TSPAN15: variants seen among roughly 807,000 people sequenced by gnomAD.
TSPAN15 encodes the protein tetraspanin-15.
TSPAN15 carries 20 observed loss-of-function variants against 34.5 expected under a neutral mutation model. That is an observed-to-expected ratio of 0.58 (90% CI 0.41 to 0.84). TSPAN15 has a LOEUF of 0.84. Among genes scored for constraint, TSPAN15 ranks in the 40% least tolerant of loss-of-function variants. The pLI, the probability that TSPAN15 is intolerant of heterozygous loss-of-function variation, is 0.00. For missense variants in TSPAN15, 313 were observed against 386.1 expected (o/e 0.81, Z 1.59); for synonymous variants, 155 against 153.9 (o/e 1.01, Z -0.05).
At chr10:69,520,010 G>T in the TSPAN15 span, among the ~76,000 whole-genome samples, 2 of 152,200 alleles carry the variant, frequency 1.3e-5, no homozygotes, top group Non-Finnish European at 2.9e-5. Flanking sequence ...GGGATTATAG[G>T]CATGAGCCAC....
chr10:69,467,831 T>A (rs10998801), intron 1 of TSPAN15, among the ~76,000 whole-genome samples: 60,563 of 151,896 alleles, frequency 0.4, 12,582 homozygotes, highest in Non-Finnish European at 0.45. Context: ...ATAGTGTCTT[T>A]AAAAAAATCA....
chr10:69,456,334 GC>G (rs1422015797), intron 1 of TSPAN15, among the ~76,000 whole-genome samples: 2 of 152,104 alleles, frequency 1.3e-5, no homozygotes, highest in African/African-American at 4.8e-5. Flanking sequence ...TGATCCACCA[GC>G]CTGGGCCTCC....
At chr10:69,519,545 T>C in the TSPAN15 span, among the ~76,000 whole-genome samples, 6 of 152,216 alleles carry the variant, frequency 3.9e-5, no homozygotes, top group African/African-American at 1.4e-4. Context: ...GTGGATCAAA[T>C]GATATTTGAC....
the TSPAN15 span, among the ~76,000 whole-genome samples, chr10:69,522,464 A>G: frequency 0.54 from 75,146 of 138,366 alleles, 23,304 homozygotes; most frequent in African/African-American, 0.64. Flanking sequence ...TATTGTAGGA[A>G]TGCTTTATAT....
At chr10:69,502,620 C>T (rs1842233674) in intron 5 of TSPAN15, among the ~76,000 whole-genome samples, 1 of 152,162 alleles carries the variant, frequency 6.6e-6, no homozygotes, top group African/African-American at 2.4e-5. Context: ...AATATCGATT[C>T]TATGGTCAGG....
chr10:69,534,045 A>C, the TSPAN15 span, among the ~76,000 whole-genome samples: 1 of 152,218 alleles, frequency 6.6e-6, no homozygotes. Context: ...GCTTTGAAGA[A>C]AAATAAAAAT....
the TSPAN15 span, among the ~76,000 whole-genome samples, chr10:69,547,616 A>G: frequency 6.6e-6 from 1 of 152,230 alleles, no homozygotes; most frequent in Non-Finnish European, 1.5e-5. Flanking sequence ...CTGGACTAAG[A>G]CCCAGAAACA....
At chr10:69,464,836 G>C (rs559903033) in intron 1 of TSPAN15, among the ~76,000 whole-genome samples, 1 of 152,332 alleles carries the variant, frequency 6.6e-6, no homozygotes, top group East Asian at 1.9e-4. Context: ...AGTGTGCAGG[G>C]GGGACAATGG....
At chr10:69,499,004 T>C (rs1182105886) in intron 5 of TSPAN15, among the ~76,000 whole-genome samples, 3 of 152,150 alleles carry the variant, frequency 2.0e-5, no homozygotes, top group Non-Finnish European at 4.4e-5. Context: ...GCAGAGTGCT[T>C]GGAAGGGGGT....
the TSPAN15 span, among the ~76,000 whole-genome samples, chr10:69,530,113 A>T: frequency 6.8e-6 from 1 of 147,644 alleles, no homozygotes; most frequent in African/African-American, 2.5e-5. Context: ...TGGTTGATGG[A>T]TATCTACTAT....
At chr10:69,539,476 GAGAAGGA>G in the TSPAN15 span, among the ~76,000 whole-genome samples, 2 of 62,578 alleles carry the variant, frequency 3.2e-5, 1 homozygote, top group Non-Finnish European at 6.5e-5. Flanking sequence ...GAAGGAGAAG[GAGAAGGA>G]GAAGAAGAAG....
intron 1 of TSPAN15, among the ~76,000 whole-genome samples, chr10:69,466,857 G>A (rs1022952870): frequency 2.6e-5 from 4 of 152,204 alleles, no homozygotes; most frequent in Admixed American, 1.3e-4. Flanking sequence ...TCTCCTTCGC[G>A]TGACCATTAT....
intron 5 of TSPAN15, among the ~76,000 whole-genome samples, chr10:69,500,187 G>A (rs1589652830): frequency 1.3e-5 from 2 of 152,198 alleles, no homozygotes; most frequent in African/African-American, 2.4e-5. Context: ...AGCCAGAAGC[G>A]GGATTGGGCA....
At chr10:69,545,145 G>A in the TSPAN15 span, among the ~76,000 whole-genome samples, 1 of 152,194 alleles carries the variant, frequency 6.6e-6, no homozygotes, top group East Asian at 1.9e-4. Context: ...AGGAGTTTAG[G>A]CCCCAAGGAT....
At chr10:69,523,403 A>G in the TSPAN15 span, 1 of 581,146 alleles carries the variant, frequency 1.7e-6, no homozygotes, top group Non-Finnish European at 3.2e-6. Context: ...GCCTGGTAGT[A>G]AAAGCTGGTG....
At position 69,506,043 on chromosome 10, in the gene TSPAN15, T is replaced by C. The variant is rs539844239; in HGVS notation, c.619-81T>C. ...AGCGGTTGAGGGACTAGCCTGGACCTTGTGTACATGGCAGAGTCGGGGCTG... is the reference window on the plus strand; with the variant it reads ...AGCGGTTGAGGGACTAGCCTGGACCCTGTGTACATGGCAGAGTCGGGGCTG... On this transcript the variant is annotated intron_variant, in intron 6 of 7. Transcript: ENST00000373290. This position sits in a 1 kb window ranked among gnomAD's most constrained non-coding sequence, Gnocchi z 4.7. The C allele has an allele frequency of 8.4e-7, 1 of 1,191,014 alleles. No individual in the cohort carries two copies. The highest frequency in any genetic ancestry group is 1.3e-5 in the South Asian group (1 of 76,228). The allele number at this position is 1,191,014 out of a possible 1,614,324, so 73.8% of individuals were successfully genotyped here. A position where few individuals can be genotyped will look rare whatever the true frequency, so the allele number is the denominator to read the frequency against.
intron 1 of TSPAN15, among the ~76,000 whole-genome samples, chr10:69,481,538 C>G (rs962822139): frequency 6.6e-6 from 1 of 152,328 alleles, no homozygotes; most frequent in East Asian, 1.9e-4. Flanking sequence ...GGACTTAGCT[C>G]TCTTTAGAAG....
the TSPAN15 span, among the ~76,000 whole-genome samples, chr10:69,544,060 C>T: frequency 6.6e-5 from 10 of 152,116 alleles, no homozygotes; most frequent in East Asian, 1.9e-3. Context: ...CTGAGAGCTC[C>T]AGGCAATCAG....
intron 1 of TSPAN15, among the ~76,000 whole-genome samples, chr10:69,453,005 G>C (rs1388572114): frequency 6.6e-6 from 1 of 152,182 alleles, no homozygotes; most frequent in Non-Finnish European, 1.5e-5. Context: ...CTGACTTATG[G>C]ATATCTTAGG....
Sources: allele counts gnomAD v4.1 joint callset (sites outside exome capture counted in the v4.1 genomes callset), GRCh38; gene constraint gnomAD v4.1.1; non-coding constraint Gnocchi (gnomAD v3.1); transcripts MANE v1.5; gene names NCBI Gene and HGNC (gene_info 2026-07-23, HGNC 2026-07-21).